CNTNAP2: variants seen among roughly 807,000 people sequenced by gnomAD.
The protein encoded by CNTNAP2 is contactin associated protein 2, also known as contactin-associated protein-like 2.
Under a neutral mutation model 155.2 loss-of-function variants are expected in CNTNAP2, and 98 were observed. The observed-to-expected ratio is 0.63, with a 90% CI of 0.54 to 0.75. The LOEUF (loss-of-function observed/expected upper bound fraction) is 0.75. Ranked by LOEUF, CNTNAP2 falls within the 30% of genes least tolerant of loss-of-function variation. The pLI, the probability that CNTNAP2 is intolerant of heterozygous loss-of-function variation, is 0.00. For missense variants in CNTNAP2, 1,727 were observed against 1,688.1 expected (o/e 1.02, Z -0.40); for synonymous variants, 651 against 631.2 (o/e 1.03, Z -0.47).
chr7:146,959,267 C>A (rs1797504573), intron 3 of CNTNAP2, among the ~76,000 whole-genome samples: 1 of 152,058 alleles, frequency 6.6e-6, no homozygotes, highest in African/African-American at 2.4e-5. Flanking sequence ...ATCTGTCCGC[C>A]TCGGCCTCCC....
chr7:146,442,764 A>C (rs1234953118), intron 1 of CNTNAP2, among the ~76,000 whole-genome samples: 2 of 152,144 alleles, frequency 1.3e-5, no homozygotes, highest in African/African-American at 4.8e-5. Context: ...AGCCTTCAGG[A>C]TTCCAACATT....
chr7:148,104,294 C>T (rs530619012), intron 15 of CNTNAP2, among the ~76,000 whole-genome samples: 3 of 152,144 alleles, frequency 2.0e-5, no homozygotes, highest in Non-Finnish European at 2.9e-5. Context: ...GTAACGTAAT[C>T]GTATGGATCA....
At chr7:146,142,516 A>G (rs1485047294) in intron 1 of CNTNAP2, among the ~76,000 whole-genome samples, 6 of 152,240 alleles carry the variant, frequency 3.9e-5, no homozygotes, top group African/African-American at 1.2e-4. Flanking sequence ...GAAGCTTTCT[A>G]ACAAGAAGGA....
At chr7:147,088,871 G>A (rs1800337517) in intron 4 of CNTNAP2, among the ~76,000 whole-genome samples, 1 of 152,112 alleles carries the variant, frequency 6.6e-6, no homozygotes, top group African/African-American at 2.4e-5. Context: ...TTGAGCCCCG[G>A]AGTTCAAGGC....
chr7:148,032,341 T>C (rs12540901), intron 15 of CNTNAP2, among the ~76,000 whole-genome samples: 49,856 of 151,966 alleles, frequency 0.33, 9,728 homozygotes, highest in East Asian at 0.77. Context: ...TCAGACAAAG[T>C]TTCTGGGCTC....
intron 13 of CNTNAP2, among the ~76,000 whole-genome samples, chr7:147,760,840 G>A (rs1260478577): frequency 1.3e-5 from 2 of 152,200 alleles, no homozygotes; most frequent in Non-Finnish European, 2.9e-5. Flanking sequence ...TGGTCCTCAT[G>A]ATTCTGACCT....
Position 148,061,749 on chromosome 7 carries a change from A to G in CNTNAP2, c.2384-56369A>G, listed in dbSNP as rs565417316. On this transcript the variant is annotated intron_variant, in intron 15 of 23. Coordinates refer to ENST00000361727, the MANE Select transcript of CNTNAP2 (RefSeq NM_014141.6). ...GAAAACAAATATAAATCATCTATTC[A>G]GAAAGACTAAACAATATAAGACAAT... 2.6e-4 allele frequency among the ~76,000 whole-genome samples: 40 copies of G among 152,226 alleles called. No homozygotes were observed. In the Middle Eastern group the frequency reaches 0.01, roughly 39 times the overall value.
intron 16 of CNTNAP2, among the ~76,000 whole-genome samples, chr7:148,120,735 C>T (rs535614478): frequency 1.4e-4 from 21 of 152,242 alleles, no homozygotes; most frequent in South Asian, 4.2e-4. Context: ...ACATGTGAAA[C>T]GTTCAAGACC....
chr7:147,962,773 CA>C, intron 14 of CNTNAP2, among the ~76,000 whole-genome samples: 1 of 152,180 alleles, frequency 6.6e-6, no homozygotes, highest in South Asian at 2.1e-4. Context: ...AAATTTCATC[CA>C]AAAAGCTTTG....
chr7:147,471,851 G>A (rs766774706), intron 10 of CNTNAP2, among the ~76,000 whole-genome samples: 1 of 152,162 alleles, frequency 6.6e-6, no homozygotes, highest in Non-Finnish European at 1.5e-5. Context: ...AAATTAAAGA[G>A]AACAACAAAT....
intron 1 of CNTNAP2, among the ~76,000 whole-genome samples, chr7:146,192,203 A>G (rs2116853671): frequency 6.6e-6 from 1 of 152,198 alleles, no homozygotes; most frequent in Admixed American, 6.5e-5. Flanking sequence ...ACAACCAATA[A>G]CTTTATTTAG....
chr7:146,843,430 CTG>C (rs1803781166), intron 3 of CNTNAP2, among the ~76,000 whole-genome samples: 1 of 152,120 alleles, frequency 6.6e-6, no homozygotes, highest in African/African-American at 2.4e-5. Context: ...TCTTCCAACA[CTG>C]GGGATTACAA....
At chr7:147,824,080 C>G (rs1798406387) in intron 13 of CNTNAP2, among the ~76,000 whole-genome samples, 2 of 152,016 alleles carry the variant, frequency 1.3e-5, no homozygotes, top group African/African-American at 4.8e-5. Context: ...ATTCTGCATG[C>G]CAATATTATG....
At chr7:146,544,830 A>G (rs920199410) in intron 1 of CNTNAP2, among the ~76,000 whole-genome samples, 1 of 151,944 alleles carries the variant, frequency 6.6e-6, no homozygotes, top group African/African-American at 2.4e-5. Flanking sequence ...TCAGAGACGG[A>G]TAAGTCACTA....
intron 6 of CNTNAP2, among the ~76,000 whole-genome samples, chr7:147,123,190 TC>T (rs1446151854): frequency 6.6e-6 from 1 of 152,194 alleles, no homozygotes; most frequent in African/African-American, 2.4e-5. Context: ...GAAATTTCTA[TC>T]TTCTCTAAAT....
At position 147,709,635 on chromosome 7, in the gene CNTNAP2, G is replaced by A. The variant is rs566298313; in HGVS notation, c.2098+70329G>A. Reference sequence around the variant, plus strand: ...TAAACACTGTTCCTCTGGACTGGGCGTTTGATACATACCGAGCAGCCTTGT... The same window carrying A: ...TAAACACTGTTCCTCTGGACTGGGCATTTGATACATACCGAGCAGCCTTGT... On this transcript the variant is annotated intron_variant, in intron 13 of 23. Coordinates refer to ENST00000361727, the MANE Select transcript of CNTNAP2 (RefSeq NM_014141.6). Among the ~76,000 whole-genome samples the A allele has an allele frequency of 3.9e-4, 59 of 152,194 alleles. 1 individual carries two copies. Among genetic ancestry groups the A allele is most frequent in the Admixed American group, 2.4e-3 (36 of 15,276 alleles).
intron 1 of CNTNAP2, among the ~76,000 whole-genome samples, chr7:146,187,785 G>A (rs539789287): frequency 6.6e-5 from 10 of 152,044 alleles, no homozygotes; most frequent in Admixed American, 2.0e-4. Flanking sequence ...GGTTTATTAT[G>A]GCCACATTTT....
At chr7:146,949,387 T>C (rs890311532) in intron 3 of CNTNAP2, among the ~76,000 whole-genome samples, 1 of 152,188 alleles carries the variant, frequency 6.6e-6, no homozygotes, top group African/African-American at 2.4e-5. Context: ...GATTCTATTT[T>C]TATAGTTCTT....
At chr7:148,029,432 A>G (rs1395983620) in intron 15 of CNTNAP2, among the ~76,000 whole-genome samples, 2 of 152,322 alleles carry the variant, frequency 1.3e-5, no homozygotes, top group East Asian at 3.9e-4. Flanking sequence ...GAAAATATAT[A>G]GGTTTGACTT....
Sources: allele counts gnomAD v4.1 joint callset (sites outside exome capture counted in the v4.1 genomes callset), GRCh38; gene constraint gnomAD v4.1.1; transcripts MANE v1.5; gene names NCBI Gene and HGNC (gene_info 2026-07-23, HGNC 2026-07-21).